The following UNC13C variants were observed in gnomAD, a reference collection of about 807,000 sequenced individuals.
The protein encoded by UNC13C is unc-13 homolog C.
A neutral mutation model predicts 245.4 loss-of-function variants in UNC13C; 174 were observed. The observed-to-expected ratio is 0.71, with a 90% CI of 0.63 to 0.80. The LOEUF is 0.80. Ranked by LOEUF, UNC13C falls within the 30% of genes least tolerant of loss-of-function variation. The pLI, the probability that UNC13C is intolerant of heterozygous loss-of-function variation, is 0.00. For missense variants in UNC13C, 2,829 were observed against 2,602.9 expected (o/e 1.09, Z -1.89); for synonymous variants, 992 against 895.1 (o/e 1.11, Z -1.93).
At chr15:54,249,602 T>A (rs1027455852) in intron 7 of UNC13C, among the ~76,000 whole-genome samples, 1 of 152,156 alleles carries the variant, frequency 6.6e-6, no homozygotes, top group Non-Finnish European at 1.5e-5. Flanking sequence ...TTCAATAGAT[T>A]TTTTTTCACC....
chr15:54,204,340 C>T (rs1042319847), intron 4 of UNC13C, among the ~76,000 whole-genome samples: 5 of 144,950 alleles, frequency 3.4e-5, no homozygotes, highest in African/African-American at 1.3e-4. Context: ...ACCTCAATTC[C>T]GTTTTTACAT....
At chr15:54,217,173 G>C (rs962732953) in intron 4 of UNC13C, among the ~76,000 whole-genome samples, 1 of 151,920 alleles carries the variant, frequency 6.6e-6, no homozygotes, top group African/African-American at 2.4e-5. Flanking sequence ...GAGGATCAAA[G>C]TAGTGTTTTT....
chr15:53,966,885 G>C, the UNC13C span, among the ~76,000 whole-genome samples: 1 of 151,658 alleles, frequency 6.6e-6, no homozygotes, highest in Admixed American at 6.6e-5. Flanking sequence ...TCTTTTCTTA[G>C]CTTCTATAGT....
At chr15:54,080,605 A>G (rs953666503) in intron 2 of UNC13C, among the ~76,000 whole-genome samples, 3 of 152,030 alleles carry the variant, frequency 2.0e-5, no homozygotes, top group Non-Finnish European at 4.4e-5. Flanking sequence ...TTTTGTACAC[A>G]TAGAAATGTT....
At chr15:54,605,110 G>A (rs1899693690) in intron 30 of UNC13C, among the ~76,000 whole-genome samples, 1 of 152,172 alleles carries the variant, frequency 6.6e-6, no homozygotes, top group Non-Finnish European at 1.5e-5. Context: ...AACAAGACCT[G>A]CTGGGTAGTA....
At chr15:54,177,528 A>G (rs13380420) in intron 4 of UNC13C, among the ~76,000 whole-genome samples, 16,183 of 152,192 alleles carry the variant, frequency 0.11, 1,451 homozygotes, top group African/African-American at 0.24. Context: ...GAGGTTAAAG[A>G]GAGGCCATAA....
At chr15:54,421,500 G>A (rs2040643003) in intron 19 of UNC13C, among the ~76,000 whole-genome samples, 1 of 152,000 alleles carries the variant, frequency 6.6e-6, no homozygotes, top group Non-Finnish European at 1.5e-5. Context: ...TAGGCAGTTG[G>A]TGGAAATGCA....
At chr15:54,613,449 G>A (rs1900233938) in intron 30 of UNC13C, among the ~76,000 whole-genome samples, 1 of 151,828 alleles carries the variant, frequency 6.6e-6, no homozygotes, top group African/African-American at 2.4e-5. Flanking sequence ...GAATTACAAT[G>A]CTGTCTATTT....
At chr15:54,199,311 G>C (rs2034450123) in intron 4 of UNC13C, among the ~76,000 whole-genome samples, 1 of 152,056 alleles carries the variant, frequency 6.6e-6, no homozygotes, top group Non-Finnish European at 1.5e-5. Context: ...TTGCTAGAGA[G>C]CCACACATCC....
At chr15:54,174,314 A>T (rs557926125) in intron 4 of UNC13C, among the ~76,000 whole-genome samples, 1 of 152,192 alleles carries the variant, frequency 6.6e-6, no homozygotes, top group Non-Finnish European at 1.5e-5. Flanking sequence ...GCAAAACAAA[A>T]ATAGTTTTCT....
At position 53,991,719 on chromosome 15, in the gene UNC13C, C is replaced by G. The variant is rs1211768916; in HGVS notation, c.-257+12792C>G. On this transcript the variant is annotated intron_variant, in intron 1 of 32. Transcript: ENST00000260323. ...AGTTAGGCCTCCATGGCTGCCACTC[C>G]AATGTTGCAACTTATTATGGTAATT... Among the ~76,000 whole-genome samples, 13 of 152,066 alleles carry G rather than the reference C, an allele frequency of 8.5e-5. 1 individual carries two copies. Among genetic ancestry groups the G allele is most frequent in the Non-Finnish European group, 2.9e-5 (2 of 67,992 alleles).
In UNC13C at chr15:54,015,065, C is replaced by T. The variant is rs750151644; in HGVS notation, c.2162C>T (p.Ser721Phe). The T allele has an allele frequency of 4.0e-5, 64 of 1,612,754 alleles. No individual in the cohort carries two copies. The highest frequency in any genetic ancestry group is 3.3e-4 in the Middle Eastern group (2 of 6,084). The change falls in exon 2 of 33, where the codon TCT becomes TTT. Residue 721 changes from serine (S) to phenylalanine (F), a missense_variant. Physicochemically the swap from Ser to Phe is radical, Grantham distance 155 (BLOSUM62 -2). Coordinates refer to ENST00000260323, the MANE Select transcript of UNC13C (RefSeq NM_001080534.3). Reference protein sequence around the residue: ...SYDLTQDDNSSPCPGLDNEPQ... With the variant: ...SYDLTQDDNSFPCPGLDNEPQ... ...GACTTAACTCAAGATGACAATTCTT[C>T]TCCATGCCCTGGCTTGGATAATGAA...
chr15:54,352,641 C>G, intron 17 of UNC13C, among the ~76,000 whole-genome samples: 1 of 152,016 alleles, frequency 6.6e-6, no homozygotes, highest in Non-Finnish European at 1.5e-5. Flanking sequence ...TTTTTGCTAT[C>G]ACTCATAAGT....
At position 54,552,833 on chromosome 15, in the gene UNC13C, T is replaced by A. The variant is rs1318476445; in HGVS notation, c.5878-2599T>A. 4.1e-4 allele frequency among the ~76,000 whole-genome samples: 38 copies of A among 91,578 alleles called. 1 individual carries two copies. The highest frequency in any genetic ancestry group is 6.2e-4 in the Non-Finnish European group (33 of 53,090). The allele number at this position is 91,578 out of a possible 152,430, so 60.1% of individuals were successfully genotyped here. A position where few individuals can be genotyped will look rare whatever the true frequency, so the allele number is the denominator to read the frequency against. On this transcript the variant is annotated intron_variant, in intron 28 of 32. Transcript: ENST00000260323. The stretch of plus-strand genomic sequence containing the variant: ...CAATATAATATAATATATAATTATA[T>A]TATATAGTACAATATATAATATATA...
chr15:53,845,914 C>A, the UNC13C span, among the ~76,000 whole-genome samples: 1 of 151,200 alleles, frequency 6.6e-6, no homozygotes. Context: ...ACTTACTTCT[C>A]TTTTTTTTTA....
At chr15:54,116,622 G>A (rs1156251341) in intron 2 of UNC13C, among the ~76,000 whole-genome samples, 1 of 152,094 alleles carries the variant, frequency 6.6e-6, no homozygotes, top group Non-Finnish European at 1.5e-5. Flanking sequence ...TCATTTTCAT[G>A]ACTGAATAAT....
At chr15:54,187,685 C>T (rs2034041086) in intron 4 of UNC13C, among the ~76,000 whole-genome samples, 1 of 152,146 alleles carries the variant, frequency 6.6e-6, no homozygotes, top group African/African-American at 2.4e-5. Flanking sequence ...AAAATTTCTT[C>T]TGGCATCATA....
chr15:54,576,060 G>T (rs1050358113), intron 30 of UNC13C, among the ~76,000 whole-genome samples: 1 of 152,186 alleles, frequency 6.6e-6, no homozygotes, highest in African/African-American at 2.4e-5. Context: ...ATTAAATAAG[G>T]TTACAGTGAA....
chr15:53,928,441 C>A, the UNC13C span, among the ~76,000 whole-genome samples: 1 of 152,172 alleles, frequency 6.6e-6, no homozygotes, highest in Admixed American at 6.5e-5. Context: ...TGCCCTCATT[C>A]CTGTAAACCC....
Sources: gnomAD v4.1 joint callset for allele counts (sites outside exome capture counted in the v4.1 genomes callset) on GRCh38, gnomAD v4.1.1 for gene constraint, MANE v1.5 for transcripts, NCBI Gene and HGNC (gene_info 2026-07-23, HGNC 2026-07-21) for gene names.